The following TUT4 variants were observed in gnomAD, a reference collection of about 807,000 sequenced individuals.
The protein encoded by TUT4 is terminal uridylyltransferase 4.
In TUT4, 36 loss-of-function variants were observed where a neutral mutation model predicts 192.2. The observed-to-expected ratio is 0.19, with a 90% confidence interval of 0.14 to 0.25. The LOEUF is 0.25. TUT4 is among the 10% of genes least tolerant of loss of function. The pLI is 1.00. For synonymous variants in TUT4, 618 were observed against 666.0 expected, an observed-to-expected ratio of 0.93 and a Z score of 1.11; for missense variants, 1,493 against 1,957.2, an observed-to-expected ratio of 0.76 and a Z score of 4.47.
rs1471702378 is a variant in TUT4, at chr1:52,446,246, A to G, written c.3691+19T>C. 1.0e-5 allele frequency: 16 copies of G among 1,594,160 alleles called. No homozygotes were observed. Among genetic ancestry groups the G allele is most frequent in the African/African-American group, 2.7e-5 (2 of 73,842 alleles). On this transcript the variant is annotated intron_variant, in intron 22 of 29. Coordinates refer to ENST00000257177, the MANE Select transcript of TUT4 (RefSeq NM_001009881.3). ...CCAAATTTTGGTTGCTCCTGAATTA[A>G]TATCAGCTTAAATGTTACCTTCAAT...
At chr1:52,431,570 TATATC>T in intron 27 of TUT4, 110 bp from the exon 28 acceptor site, 1 of 855,320 alleles carries the variant, frequency 1.2e-6, no homozygotes, top group Admixed American at 3.5e-5. Context: ...CTCTATGATG[TATATC>T]ATAACAAATA....
chr1:52,519,513 C>A (rs894183885), intron 2 of TUT4, among the ~76,000 whole-genome samples: 2 of 144,058 alleles, frequency 1.4e-5, no homozygotes, highest in Non-Finnish European at 3.1e-5. Context: ...GTAAAATATT[C>A]TTTTTTTTTT....
At chr1:52,537,988 C>T (rs1257906962) in intron 1 of TUT4, among the ~76,000 whole-genome samples, 1 of 152,192 alleles carries the variant, frequency 6.6e-6, no homozygotes, top group Non-Finnish European at 1.5e-5. Context: ...ATAATCTCAG[C>T]ACTTTGGGAG....
chr1:52,510,090 T>C (rs1266974513), intron 3 of TUT4, among the ~76,000 whole-genome samples: 2 of 152,016 alleles, frequency 1.3e-5, no homozygotes, highest in African/African-American at 4.8e-5. Flanking sequence ...CGCTGGCAGA[T>C]CACTTGAGCT....
At chr1:52,548,946 A>G (rs1039293896) in intron 1 of TUT4, among the ~76,000 whole-genome samples, 1 of 152,170 alleles carries the variant, frequency 6.6e-6, no homozygotes. Context: ...CAAGTGAAAA[A>G]ACTTCCTAAG....
chr1:52,461,277 C>A, intron 18 of TUT4, 54 bp from the exon 19 acceptor site: 1 of 1,502,632 alleles, frequency 6.7e-7, no homozygotes, highest in Non-Finnish European at 9.1e-7. Flanking sequence ...AATTAAACTA[C>A]AAATCAGATT....
In TUT4 at chr1:52,516,067, GCAAT is replaced by G; in HGVS notation, c.719-17_719-14del. On this transcript the variant is annotated splice_polypyrimidine_tract_variant and intron_variant, in intron 2 of 29. Transcript: ENST00000257177. Reference sequence around the variant, plus strand: ...TTCTTCATTTTACCTAGAAAAGAAAGCAATCACTCAGTTATCATCAGAACTGGTA... The same window carrying G: ...TTCTTCATTTTACCTAGAAAAGAAAGCACTCAGTTATCATCAGAACTGGTA... 6.2e-7 allele frequency: 1 copy of G among 1,608,584 alleles called. No homozygotes were observed. The highest frequency in any genetic ancestry group is 1.1e-5 in the South Asian group (1 of 90,338).
intron 11 of TUT4, among the ~76,000 whole-genome samples, chr1:52,478,288 A>G (rs931822864): frequency 1.3e-5 from 2 of 152,242 alleles, no homozygotes; most frequent in African/African-American, 2.4e-5. Context: ...AAACCACTGC[A>G]TAACTACTAC....
chr1:52,431,028 C>G lies in TUT4; in HGVS notation c.4696G>C (p.Ala1566Pro), dbSNP rs1294543419. 2 of 1,592,374 alleles carry G rather than the reference C, an allele frequency of 1.3e-6. No individual in the cohort carries two copies. The highest frequency in any genetic ancestry group is 2.2e-5 in the South Asian group (2 of 89,664). The change falls in exon 28 of 30, where the codon GCA (alanine) becomes CCA (proline). Residue 1566 changes from alanine (A) to proline (P), a missense_variant. This residue lies in a region of TUT4 where 351 missense variants were observed against 397.8 expected (regional missense o/e 0.88). Coordinates refer to ENST00000257177, the MANE Select transcript of TUT4 (RefSeq NM_001009881.3). Reference protein sequence around the residue: ...VAPNSLVNSGAVGNSEPGFRG... With the variant: ...VAPNSLVNSGPVGNSEPGFRG... Reference sequence around the variant, plus strand: ...GAAAGGTTACCTGAATTCCCCACTGCACCACTGTTTACCAGGGAATTTGGA... The same window carrying G: ...GAAAGGTTACCTGAATTCCCCACTGGACCACTGTTTACCAGGGAATTTGGA...
chr1:52,535,190 C>T (rs1489902276), intron 1 of TUT4: 3 of 152,028 alleles, frequency 2.0e-5, no homozygotes, highest in Non-Finnish European at 4.4e-5. Flanking sequence ...ATAAATTCCT[C>T]CTTTTCATCT....
chr1:52,458,017 G>A (rs774298799), intron 20 of TUT4, among the ~76,000 whole-genome samples: 3 of 152,158 alleles, frequency 2.0e-5, no homozygotes, highest in Non-Finnish European at 2.9e-5. Context: ...GCATCTTGGA[G>A]ACTATAAAAT....
In TUT4 at chr1:52,423,997, A is replaced by G. The variant is rs767803100; in HGVS notation, c.4876T>C (p.Cys1626Arg). 4 of 1,610,956 alleles carry G rather than the reference A, an allele frequency of 2.5e-6. No individual in the cohort carries two copies. Among genetic ancestry groups the G allele is most frequent in the Non-Finnish European group, 3.4e-6 (4 of 1,178,584 alleles). Residue 1626 changes from cysteine to arginine, a missense_variant, in exon 30 of 30, where the codon TGT (cysteine) becomes CGT (arginine). This residue lies in a region of TUT4 where 351 missense variants were observed against 397.8 expected (regional missense o/e 0.88). Coordinates refer to ENST00000257177, the MANE Select transcript of TUT4 (RefSeq NM_001009881.3). ...CGCTCTCTACACCGACGGGTGGCACATCTGTCTGTTGGATACAACACAGAC... is the reference window on the plus strand; with the variant it reads ...CGCTCTCTACACCGACGGGTGGCACGTCTGTCTGTTGGATACAACACAGAC... ...PNKPFYTQDR[C>R]ATRRCRERCP...
chr1:52,530,534 G>A (rs1398759811), intron 1 of TUT4, among the ~76,000 whole-genome samples: 3 of 152,052 alleles, frequency 2.0e-5, no homozygotes, highest in African/African-American at 7.2e-5. Flanking sequence ...TATAATTAAC[G>A]ATAATCACCC....
In TUT4 at chr1:52,525,700, A is replaced by G; in HGVS notation, c.581T>C (p.Val194Ala). 10 of 1,613,994 alleles carry G rather than the reference A, an allele frequency of 6.2e-6. No homozygotes were observed. Among genetic ancestry groups the G allele is most frequent in the Non-Finnish European group, 7.6e-6 (9 of 1,179,982 alleles). Residue 194 changes from valine to alanine, a missense_variant, in exon 2 of 30, where the codon GTG becomes GCG. By Grantham distance (64) the Val-to-Ala change is moderately conservative. Around this residue, in one of 7 missense-constraint regions of TUT4, gnomAD observed 260 missense variants for 247.8 expected, o/e 1.05. Coordinates refer to ENST00000257177, the MANE Select transcript of TUT4 (RefSeq NM_001009881.3). Reference protein sequence around the residue: ...IPSSFTSVDKVNIEAVGGEKC... With the variant: ...IPSSFTSVDKANIEAVGGEKC... ...TTCTCCCCCTACAGCTTCAATATTC[A>G]CTTTGTCCACAGAAGTAAAGGAGCT...
chr1:52,436,990 A>G lies in TUT4; in HGVS notation c.3939-12T>C. 6.2e-7 allele frequency: 1 copy of G among 1,611,880 alleles called. No homozygotes were observed. Among genetic ancestry groups the G allele is most frequent in the South Asian group, 1.1e-5 (1 of 90,998 alleles). On this transcript the variant is annotated splice_polypyrimidine_tract_variant and intron_variant, in intron 25 of 29. Coordinates refer to ENST00000257177, the MANE Select transcript of TUT4 (RefSeq NM_001009881.3). The stretch of plus-strand genomic sequence containing the variant: ...TAAACAGTAAACTGCTGATACCAAT[A>G]ATGTGGGGCTAGGGACTTGTAAATT...
At chr1:52,425,706 GATAT>G (rs113646614) in intron 28 of TUT4, among the ~76,000 whole-genome samples, 199 bp from the exon 29 acceptor site, 1 of 152,056 alleles carries the variant, frequency 6.6e-6, no homozygotes, top group East Asian at 1.9e-4. Flanking sequence ...TACAAGAAGA[GATAT>G]ATATATACAC....
intron 16 of TUT4, chr1:52,463,663 A>G: frequency 7.7e-7 from 1 of 1,304,164 alleles, no homozygotes; most frequent in Non-Finnish European, 1.0e-6. Context: ...CTGAACATCT[A>G]CAAGGATACC....
At chr1:52,464,316 G>A (rs776960215) in intron 16 of TUT4, among the ~76,000 whole-genome samples, 2 of 151,886 alleles carry the variant, frequency 1.3e-5, no homozygotes, top group Non-Finnish European at 2.9e-5. Flanking sequence ...GTGCAGTGGC[G>A]TGACCTCGGC....
In TUT4 at chr1:52,526,039, G is replaced by A; in HGVS notation, c.242C>T (p.Pro81Leu). ...KSCKVNAANL[P>L]GPKDLGLVLR... ...GACTAACCCCAAATCTTTAGGACCT[G>A]GAAGGTTGGCAGCATTTACTTTACA... is the stretch of plus-strand genomic sequence containing the variant. Residue 81 changes from proline (P) to leucine (L), a missense_variant, in exon 2 of 30, where the codon CCA becomes CTA. Physicochemically the swap from Pro to Leu is moderately conservative, Grantham distance 98. Around this residue, in one of 7 missense-constraint regions of TUT4, gnomAD observed 260 missense variants for 247.8 expected, o/e 1.05. Transcript: ENST00000257177. 5 of 1,612,584 alleles carry A rather than the reference G, an allele frequency of 3.1e-6. No homozygotes were observed. The highest frequency in any genetic ancestry group is 4.2e-6 in the Non-Finnish European group (5 of 1,179,534).
Sources: gnomAD v4.1 joint callset for allele counts (sites outside exome capture counted in the v4.1 genomes callset) on GRCh38, gnomAD v4.1.1 for gene constraint, gnomAD v4.1.1 regional missense constraint, MANE v1.5 for transcripts, NCBI Gene and HGNC (gene_info 2026-07-23, HGNC 2026-07-21) for gene names.